The following ZNF521 variants were observed in gnomAD, a reference collection of about 807,000 sequenced individuals.
ZNF521 encodes the protein LYST-interacting protein 3.
Under a neutral mutation model 105.5 loss-of-function variants are expected in ZNF521, and 14 were observed. The ratio of observed to expected loss-of-function variants is 0.13; its 90% CI spans 0.09 to 0.21. The LOEUF (loss-of-function observed/expected upper bound fraction) is 0.21, where lower values mean the gene tolerates loss of function less well. Ranked by LOEUF, ZNF521 falls within the 10% of genes least tolerant of loss-of-function variation. The probability of loss-of-function intolerance (pLI) is 1.00; values close to 1 mark genes in which losing one functional copy is unlikely to be tolerated. For missense variants in ZNF521, 1,233 were observed against 1,629.7 expected, an observed-to-expected ratio of 0.76 and a Z score of 4.19; for synonymous variants, 635 against 606.0, an observed-to-expected ratio of 1.05 and a Z score of -0.70.
In ZNF521 at chr18:25,067,119, T is replaced by C. The variant is rs536797310; in HGVS notation, c.3907-4378A>G. Among the ~76,000 whole-genome samples, 8 of 152,196 alleles carry C rather than the reference T, an allele frequency of 5.3e-5. No individual in the cohort carries two copies. The South Asian group carries it at 1.7e-3, about 32-fold the overall frequency. On this transcript the variant is annotated intron_variant, in intron 7 of 7. Coordinates refer to ENST00000361524, the MANE Select transcript of ZNF521 (RefSeq NM_015461.3). ...AAAAAGCCATCTCCTGGAGACCCCA[T>C]GTCTAAGTAACTGAAAATTGCAAAC...
intron 3 of ZNF521, among the ~76,000 whole-genome samples, chr18:25,319,889 G>A (rs1600302381): frequency 6.6e-6 from 1 of 152,130 alleles, no homozygotes; most frequent in African/African-American, 2.4e-5. Context: ...AGGAGCCTAT[G>A]AAACCTGAAT....
chr18:25,258,202 C>A (rs1908654712), intron 3 of ZNF521, among the ~76,000 whole-genome samples: 1 of 152,136 alleles, frequency 6.6e-6, no homozygotes, highest in African/African-American at 2.4e-5. Context: ...GAAAAAAAGT[C>A]ACTTGCTTTG....
At chr18:25,200,217 C>A (rs1013270621) in intron 4 of ZNF521, among the ~76,000 whole-genome samples, 1 of 152,030 alleles carries the variant, frequency 6.6e-6, no homozygotes, top group South Asian at 2.1e-4. Context: ...GTGCTTTGGT[C>A]TTTGACAATG....
At chr18:25,102,448 T>C (rs745493136) in intron 5 of ZNF521, among the ~76,000 whole-genome samples, 6 of 151,926 alleles carry the variant, frequency 3.9e-5, no homozygotes, top group Non-Finnish European at 7.4e-5. Context: ...GGATAAAATT[T>C]AGAAGGAGCT....
chr18:25,348,402 C>A (rs1914555766), intron 2 of ZNF521, among the ~76,000 whole-genome samples: 2 of 152,078 alleles, frequency 1.3e-5, no homozygotes, highest in African/African-American at 2.4e-5. Context: ...TCTTCAAAAC[C>A]GCTACTAATA....
Position 25,195,258 on chromosome 18 carries a change from T to C in ZNF521, c.3574-14A>G, listed in dbSNP as rs1350148672. ...ATAGGTCTTCTTCTGAGAAAACAAG[T>C]ATAAACAGAGTTACTTAGACACATG... On this transcript the variant is annotated splice_polypyrimidine_tract_variant and intron_variant, in intron 4 of 7. Coordinates refer to ENST00000361524, the MANE Select transcript of ZNF521 (RefSeq NM_015461.3). The C allele has an allele frequency of 6.4e-7, 1 of 1,561,248 alleles. No homozygotes were observed. The highest frequency in any genetic ancestry group is 8.7e-7 in the Non-Finnish European group (1 of 1,152,270).
intron 5 of ZNF521, among the ~76,000 whole-genome samples, chr18:25,164,036 T>G (rs1462908229): frequency 6.6e-6 from 1 of 152,038 alleles, no homozygotes; most frequent in Non-Finnish European, 1.5e-5. Flanking sequence ...CCAGGTAAAA[T>G]AGGAATTAAA....
At chr18:25,229,422 A>G (rs943014893) in intron 3 of ZNF521, among the ~76,000 whole-genome samples, 16 of 152,214 alleles carry the variant, frequency 1.1e-4, no homozygotes, top group Admixed American at 7.2e-4. Context: ...ATAGGACTCT[A>G]TAACCCAACA....
chr18:25,310,133 T>C (rs1912215442), intron 3 of ZNF521, among the ~76,000 whole-genome samples: 1 of 152,110 alleles, frequency 6.6e-6, no homozygotes, highest in African/African-American at 2.4e-5. Context: ...TCTGAGGTCA[T>C]CAAAATGGGC....
chr18:25,208,951 C>A (rs138331600), intron 4 of ZNF521, among the ~76,000 whole-genome samples: 1 of 151,940 alleles, frequency 6.6e-6, no homozygotes, highest in Non-Finnish European at 1.5e-5. Context: ...CTGCCTAAGC[C>A]GAACTTAAAT....
chr18:25,162,286 A>G (rs2035265022), intron 5 of ZNF521, among the ~76,000 whole-genome samples: 1 of 152,250 alleles, frequency 6.6e-6, no homozygotes, highest in Non-Finnish European at 1.5e-5. Context: ...GCAAATGAAG[A>G]CTGCAAAAAT....
chr18:25,071,874 C>A (rs1009304944), intron 7 of ZNF521, among the ~76,000 whole-genome samples: 1 of 152,092 alleles, frequency 6.6e-6, no homozygotes, highest in African/African-American at 2.4e-5. Context: ...TTGGAGGAGT[C>A]ACACATGCCT....
intron 2 of ZNF521, among the ~76,000 whole-genome samples, chr18:25,338,700 T>C (rs1218203027): frequency 7.2e-5 from 11 of 152,144 alleles, no homozygotes; most frequent in Non-Finnish European, 1.3e-4. Context: ...GTGTGAGCCA[T>C]TGCGCCCAGT....
At chr18:25,255,486 G>A (rs749617647) in intron 3 of ZNF521, among the ~76,000 whole-genome samples, 1 of 152,034 alleles carries the variant, frequency 6.6e-6, no homozygotes, top group African/African-American at 2.4e-5. Context: ...CAGATATGTA[G>A]TAACTGAATG....
chr18:25,094,846 A>G (rs1005349388), intron 5 of ZNF521, among the ~76,000 whole-genome samples: 8 of 152,268 alleles, frequency 5.3e-5, no homozygotes, highest in Non-Finnish European at 8.8e-5. Flanking sequence ...ATGTATAATG[A>G]GAAAGAGAGA....
At chr18:25,334,404 AC>A (rs1202656375) in intron 2 of ZNF521, among the ~76,000 whole-genome samples, 2 of 152,266 alleles carry the variant, frequency 1.3e-5, no homozygotes, top group Admixed American at 1.3e-4. Context: ...AAAGATGCCC[AC>A]TTTCAAGTTC....
chr18:25,262,040 T>C (rs531157029), intron 3 of ZNF521, among the ~76,000 whole-genome samples: 1 of 152,284 alleles, frequency 6.6e-6, no homozygotes, highest in East Asian at 1.9e-4. Flanking sequence ...AGTAGCACAA[T>C]GGACAATAGC....
At chr18:25,264,144 C>T (rs1183636769) in intron 3 of ZNF521, among the ~76,000 whole-genome samples, 6 of 152,168 alleles carry the variant, frequency 3.9e-5, no homozygotes, top group African/African-American at 1.4e-4. Context: ...TTTCTAAACT[C>T]TTTGGACCGC....
intron 5 of ZNF521, among the ~76,000 whole-genome samples, chr18:25,093,685 A>G (rs1003784636): frequency 1.1e-4 from 16 of 152,206 alleles, no homozygotes; most frequent in Admixed American, 3.3e-4. Flanking sequence ...TCTACATTTC[A>G]CAAGAGATAA....
Sources: allele counts gnomAD v4.1 joint callset (sites outside exome capture counted in the v4.1 genomes callset), GRCh38; gene constraint gnomAD v4.1.1; transcripts MANE v1.5; gene names NCBI Gene and HGNC (gene_info 2026-07-23, HGNC 2026-07-21).